The following CPED1 variants were observed in gnomAD, a reference collection of about 807,000 sequenced individuals.
The protein encoded by CPED1 is cadherin-like and PC-esterase domain-containing protein 1.
Under a neutral mutation model 128.2 loss-of-function variants are expected in CPED1, and 114 were observed. The observed-to-expected ratio is 0.89, with a 90% CI of 0.76 to 1.04. CPED1 has a LOEUF of 1.04. Among genes scored for constraint, CPED1 ranks in the 50% least tolerant of loss-of-function variants. CPED1 has a pLI of 0.00. For missense variants in CPED1, 1,211 were observed against 1,207.1 expected, an observed-to-expected ratio of 1.00 and a Z score of -0.05; for synonymous variants, 462 against 426.7, an observed-to-expected ratio of 1.08 and a Z score of -1.02.
At chr7:120,988,944 A>C (rs1796265291) in intron 1 of CPED1, 32 bp downstream of exon 1, 1 of 152,240 alleles carries the variant, frequency 6.6e-6, no homozygotes, top group South Asian at 2.1e-4. Context: ...CTTGAGACGG[A>C]ATGAAACAAA....
chr7:121,011,035 A>G (rs1350822109), intron 2 of CPED1, among the ~76,000 whole-genome samples: 1 of 152,190 alleles, frequency 6.6e-6, no homozygotes, highest in African/African-American at 2.4e-5. Context: ...ATTCACTATG[A>G]TAGACTCTAT....
intron 2 of CPED1, among the ~76,000 whole-genome samples, chr7:120,992,931 A>G (rs772784394): frequency 9.2e-5 from 14 of 152,170 alleles, no homozygotes; most frequent in Non-Finnish European, 1.6e-4. Flanking sequence ...TGTTTTCAAT[A>G]TGGATTGAAA....
At chr7:121,068,199 T>C (rs1178020715) in intron 5 of CPED1, among the ~76,000 whole-genome samples, 1 of 152,238 alleles carries the variant, frequency 6.6e-6, no homozygotes, top group Non-Finnish European at 1.5e-5. Flanking sequence ...CATGCCTATG[T>C]CCTGAATGGT....
rs953194144 is a variant in CPED1 at position 121,253,511 on chromosome 7, A to T, written c.2310+9173A>T. Among the ~76,000 whole-genome samples, 10 of 152,080 alleles carry T rather than the reference A, an allele frequency of 6.6e-5. 1 individual carries two copies. The highest frequency in any genetic ancestry group is 5.9e-5 in the Non-Finnish European group (4 of 67,992). ...CATAGCTCACTGGCACTGTAAAGCA[A>T]TTACACAATCTAGTCTACATAACAA... On this transcript the variant is annotated intron_variant, in intron 18 of 22. Coordinates refer to ENST00000310396, the MANE Select transcript of CPED1 (RefSeq NM_024913.5).
At chr7:121,039,129 G>A (rs534407628) in intron 3 of CPED1, among the ~76,000 whole-genome samples, 3 of 151,992 alleles carry the variant, frequency 2.0e-5, no homozygotes, top group Non-Finnish European at 2.9e-5. Context: ...TAACTGTTTT[G>A]GAATTCTTCT....
At chr7:121,184,940 A>C (rs1257639629) in intron 16 of CPED1, among the ~76,000 whole-genome samples, 1 of 152,142 alleles carries the variant, frequency 6.6e-6, no homozygotes, top group Non-Finnish European at 1.5e-5. Context: ...TTTAATTCCT[A>C]TGGTTAAATG....
intron 16 of CPED1, among the ~76,000 whole-genome samples, chr7:121,180,157 A>C (rs1465707918): frequency 6.6e-6 from 1 of 152,042 alleles, no homozygotes; most frequent in Non-Finnish European, 1.5e-5. Flanking sequence ...TCTTCCTGAC[A>C]AATTCCCAAC....
chr7:121,260,284 G>A (rs1791986263), intron 18 of CPED1, among the ~76,000 whole-genome samples: 1 of 106,236 alleles, frequency 9.4e-6, no homozygotes, highest in South Asian at 3.4e-4. Context: ...TTGCCTAAGT[G>A]TCAATCTTAT....
chr7:121,057,345 G>T (rs1260953233), intron 4 of CPED1, among the ~76,000 whole-genome samples: 3 of 151,942 alleles, frequency 2.0e-5, no homozygotes, highest in East Asian at 3.9e-4. Context: ...TTGTTACATG[G>T]GTATATTGTA....
At position 121,295,685 on chromosome 7, in the gene CPED1, A is replaced by C; in HGVS notation, c.*33A>C. 1 of 1,582,344 alleles carries C rather than the reference A, an allele frequency of 6.3e-7. No individual in the cohort carries two copies. Among genetic ancestry groups the C allele is most frequent in the South Asian group, 1.1e-5 (1 of 90,000 alleles). ...GCAGGAGAGCTGAATCTGGAGCTGG[A>C]GACGAGCTAGTCACCCGGACAATGG... On this transcript the variant is annotated 3_prime_UTR_variant, in exon 23 of 23. Transcript: ENST00000310396.
chr7:121,129,289 A>ATATATATATACACG (rs1795590135), intron 11 of CPED1, among the ~76,000 whole-genome samples: 1 of 93,368 alleles, frequency 1.1e-5, no homozygotes, highest in African/African-American at 5.3e-5. Context: ...GTATATATGT[A>ATATATATATACACG]TATATATATA....
chr7:121,169,875 A>AT (rs1009282999), intron 16 of CPED1, among the ~76,000 whole-genome samples: 3 of 151,652 alleles, frequency 2.0e-5, no homozygotes, highest in African/African-American at 4.8e-5. Flanking sequence ...CTGTGTTTGG[A>AT]TTTTTTTTTC....
intron 18 of CPED1, among the ~76,000 whole-genome samples, chr7:121,256,214 G>T (rs931254336): frequency 6.0e-5 from 9 of 149,744 alleles, no homozygotes; most frequent in African/African-American, 1.7e-4. Flanking sequence ...AAAACAACAT[G>T]GTACTGACTC....
chr7:121,264,081 T>C (rs6947934), intron 18 of CPED1, among the ~76,000 whole-genome samples: 63,148 of 151,828 alleles, frequency 0.42, 13,579 homozygotes, highest in Middle Eastern at 0.52. Context: ...GATTAGGACA[T>C]AGCCACAGAG....
chr7:121,201,531 G>A (rs929091953), intron 16 of CPED1, among the ~76,000 whole-genome samples: 2 of 150,982 alleles, frequency 1.3e-5, no homozygotes, highest in African/African-American at 4.9e-5. Flanking sequence ...AGGAAAGGAA[G>A]GAAGGAAGAA....
In CPED1 at chr7:121,270,912, T is replaced by C. The variant is rs189697258; in HGVS notation, c.2722-372T>C. ...TAGTTTTTTCTAATTCTGTAAAAAATAACATTTGTAATTTGATAGGAATAG... is the reference window on the plus strand; with the variant it reads ...TAGTTTTTTCTAATTCTGTAAAAAACAACATTTGTAATTTGATAGGAATAG... On this transcript the variant is annotated intron_variant, in intron 21 of 22. Transcript: ENST00000310396. Among the ~76,000 whole-genome samples, 95 of 152,192 alleles carry C rather than the reference T, an allele frequency of 6.2e-4. 1 individual carries two copies. The highest frequency in any genetic ancestry group is 1.2e-4 in the Non-Finnish European group (8 of 67,960).
chr7:121,097,559 A>G (rs1211951570), intron 5 of CPED1, 140 bp from the exon 6 acceptor site: 26 of 897,680 alleles, frequency 2.9e-5, no homozygotes, highest in Non-Finnish European at 4.4e-5. Flanking sequence ...TAGTGGATCC[A>G]TTTTTGATTC....
intron 16 of CPED1, among the ~76,000 whole-genome samples, chr7:121,160,639 G>A (rs1350910707): frequency 6.6e-6 from 1 of 152,168 alleles, no homozygotes; most frequent in Non-Finnish European, 1.5e-5. Flanking sequence ...AGAGTGATGA[G>A]ATACTGCTGC....
intron 7 of CPED1, among the ~76,000 whole-genome samples, chr7:121,114,412 C>T (rs941638062): frequency 3.9e-5 from 6 of 152,182 alleles, no homozygotes; most frequent in African/African-American, 1.2e-4. Flanking sequence ...CCCTTGAGTT[C>T]TATGCCTACC....
Sources: gnomAD v4.1 joint callset for allele counts (sites outside exome capture counted in the v4.1 genomes callset) on GRCh38, gnomAD v4.1.1 for gene constraint, MANE v1.5 for transcripts, NCBI Gene and HGNC (gene_info 2026-07-23, HGNC 2026-07-21) for gene names.